ARL13B: variants seen among roughly 807,000 people sequenced by gnomAD.
The protein encoded by ARL13B is ARF like GTPase 13B, also known as ADP-ribosylation factor-like protein 13B.
ARL13B carries 36 observed loss-of-function variants against 56.1 expected under a neutral mutation model. The observed-to-expected ratio is 0.64, with a 90% CI of 0.49 to 0.85. ARL13B has a LOEUF of 0.85. Among genes scored for constraint, ARL13B ranks in the 40% least tolerant of loss-of-function variants. ARL13B has a pLI of 0.00. For missense variants in ARL13B, 519 were observed against 507.1 expected (o/e 1.02, Z -0.23); for synonymous variants, 178 against 171.1 (o/e 1.04, Z -0.32).
At chr3:93,986,258 C>T (rs553918372) in intron 1 of ARL13B, among the ~76,000 whole-genome samples, 1 of 152,228 alleles carries the variant, frequency 6.6e-6, no homozygotes, top group East Asian at 1.9e-4. Flanking sequence ...TTGACTTGAT[C>T]AGGGCTTAAA....
chr3:93,995,439 T>G (rs2075950084), intron 1 of ARL13B, among the ~76,000 whole-genome samples: 2 of 152,274 alleles, frequency 1.3e-5, no homozygotes, highest in Admixed American at 1.3e-4. Context: ...ATATATAAAT[T>G]TATATTTGGT....
chr3:94,036,768 T>C lies in ARL13B; in HGVS notation c.689+14T>C. 1 of 1,601,234 alleles carries C rather than the reference T, an allele frequency of 6.2e-7. No homozygotes were observed. The highest frequency in any genetic ancestry group is 1.1e-5 in the South Asian group (1 of 89,070). On this transcript the variant is annotated intron_variant, in intron 5 of 9. Transcript: ENST00000394222. ...ACGAGAAGAAAGGTAAGTAGATTAA[T>C]TTTGTACCACAGTGCATTTGAAGGA...
chr3:94,039,779 T>C, intron 5 of ARL13B, 101 bp from the exon 6 acceptor site: 1 of 997,936 alleles, frequency 1.0e-6, no homozygotes, highest in Non-Finnish European at 1.5e-6. Context: ...TCCAGATGTT[T>C]AAATTACTAC....
chr3:94,041,127 A>C (rs1321451123), intron 6 of ARL13B, among the ~76,000 whole-genome samples: 1 of 151,868 alleles, frequency 6.6e-6, no homozygotes, highest in Non-Finnish European at 1.5e-5. Flanking sequence ...TCCCCACAAA[A>C]CTTTTTTAGC....
intron 3 of ARL13B, chr3:94,014,479 G>A: frequency 6.2e-7 from 1 of 1,608,504 alleles, no homozygotes; most frequent in Non-Finnish European, 8.5e-7. Flanking sequence ...TTTCTCTTTA[G>A]TATTGTTAAC....
chr3:94,016,804 G>A (rs1347739117), intron 3 of ARL13B, among the ~76,000 whole-genome samples: 1 of 151,926 alleles, frequency 6.6e-6, no homozygotes, highest in East Asian at 1.9e-4. Flanking sequence ...CTGCCACCAT[G>A]CCCGGCTAAT....
At chr3:94,014,436 A>ATTTCT in intron 3 of ARL13B, 1 of 1,592,180 alleles carries the variant, frequency 6.3e-7, no homozygotes, top group South Asian at 1.2e-5. Context: ...CTCTGCAAGG[A>ATTTCT]TTTCTTTTTT....
chr3:94,042,140 A>G (rs959045663), intron 6 of ARL13B, among the ~76,000 whole-genome samples: 15 of 152,206 alleles, frequency 9.9e-5, no homozygotes, highest in Non-Finnish European at 2.1e-4. Context: ...TGAAAATAAC[A>G]CTAAGTTAAA....
In ARL13B at chr3:94,055,527, C is replaced by A. The variant is rs777860722; in HGVS notation, c.*2264C>A. The A allele has an allele frequency of 2.2e-6, 1 of 453,898 alleles. No homozygotes were observed. The highest frequency in any genetic ancestry group is 1.6e-5 in the South Asian group (1 of 64,470). 28.1% of individuals were successfully genotyped at this position (453,898 alleles called of 1,614,324 possible). A position where few individuals can be genotyped will look rare whatever the true frequency, so the allele number is the denominator to read the frequency against. ...CATATGATGTTAGAGGATTTGATGT[C>A]TGTCTTGCGTTAAAGCTGTTGGTCA... On this transcript the variant is annotated 3_prime_UTR_variant, in exon 10 of 10. Transcript: ENST00000394222.
At chr3:94,033,271 A>G (rs2076708524) in intron 3 of ARL13B, among the ~76,000 whole-genome samples, 1 of 152,212 alleles carries the variant, frequency 6.6e-6, no homozygotes, top group Admixed American at 6.5e-5. Context: ...AATGCACATT[A>G]TTAAGCTTAT....
intron 1 of ARL13B, among the ~76,000 whole-genome samples, chr3:93,995,248 C>G (rs1454196729): frequency 6.6e-6 from 1 of 152,002 alleles, no homozygotes; most frequent in East Asian, 1.9e-4. Flanking sequence ...GTAACTGATT[C>G]ATTGTGTGAG....
At chr3:94,011,643 T>G (rs1332448407) in intron 3 of ARL13B, among the ~76,000 whole-genome samples, 2 of 152,176 alleles carry the variant, frequency 1.3e-5, no homozygotes, top group East Asian at 3.8e-4. Context: ...TGCTTCATAC[T>G]CCACTTCTTT....
In ARL13B at chr3:94,039,937, G is replaced by A. The variant is rs1309761608; in HGVS notation, c.747G>A (p.Leu249=). 2 of 1,614,092 alleles carry A rather than the reference G, an allele frequency of 1.2e-6. No homozygotes were observed. Among genetic ancestry groups the A allele is most frequent in the South Asian group, 2.2e-5 (2 of 91,074 alleles). The part of the protein sequence containing the change: ...ELDGTSGLAE[L]DPEPTNPFQP... ...ATGGAACCAGTGGTCTGGCTGAGTT[G>A]GACCCAGAACCAACGAATCCTTTCC... Residue 249 remains leucine, a synonymous_variant, in exon 6 of 10, where the codon TTG becomes TTA. Coordinates refer to ENST00000394222, the MANE Select transcript of ARL13B (RefSeq NM_001174150.2).
At chr3:94,050,767 C>A in intron 8 of ARL13B, 57 bp from the exon 9 acceptor site, 1 of 1,461,888 alleles carries the variant, frequency 6.8e-7, no homozygotes, top group Non-Finnish European at 9.5e-7. Context: ...ATCCTCTCAA[C>A]AGACCTAAAG....
At chr3:94,036,146 A>G (rs1327165398) in intron 4 of ARL13B, among the ~76,000 whole-genome samples, 1 of 152,200 alleles carries the variant, frequency 6.6e-6, no homozygotes, top group Non-Finnish European at 1.5e-5. Flanking sequence ...TGAACAGTGG[A>G]TTTAATAATT....
intron 1 of ARL13B, among the ~76,000 whole-genome samples, chr3:93,990,893 G>A (rs2075863981): frequency 6.6e-6 from 1 of 152,092 alleles, no homozygotes; most frequent in African/African-American, 2.4e-5. Context: ...TAAGAACTTA[G>A]GTTAGGCATT....
At chr3:94,037,568 T>G (rs1156373750) in intron 5 of ARL13B, among the ~76,000 whole-genome samples, 1 of 152,150 alleles carries the variant, frequency 6.6e-6, no homozygotes, top group African/African-American at 2.4e-5. Context: ...AAAGACAGAT[T>G]AGAGTGAATG....
chr3:94,044,532 C>T (rs1214377365), intron 7 of ARL13B, among the ~76,000 whole-genome samples: 16 of 142,568 alleles, frequency 1.1e-4, no homozygotes, highest in Non-Finnish European at 1.7e-4. Flanking sequence ...TCTGCCTGGC[C>T]GCTCCATCTG....
chr3:93,995,201 C>G (rs2107380143), intron 1 of ARL13B, among the ~76,000 whole-genome samples: 1 of 152,276 alleles, frequency 6.6e-6, no homozygotes, highest in East Asian at 1.9e-4. Context: ...ATTTAAATCC[C>G]TACGAGTTAG....
Sources: gnomAD v4.1 joint callset for allele counts (sites outside exome capture counted in the v4.1 genomes callset) on GRCh38, gnomAD v4.1.1 for gene constraint, MANE v1.5 for transcripts, NCBI Gene and HGNC (gene_info 2026-07-23, HGNC 2026-07-21) for gene names.